NMNAT1: variants seen among roughly 807,000 people sequenced by gnomAD.
The protein encoded by NMNAT1 is nicotinamide nucleotide adenylyltransferase 1.
Under a neutral mutation model 16.7 loss-of-function variants are expected in NMNAT1, and 11 were observed. The observed-to-expected ratio is 0.66, with a 90% CI of 0.41 to 1.09. The LOEUF (loss-of-function observed/expected upper bound fraction) is 1.09. Ranked by LOEUF, NMNAT1 falls within the 50% of genes least tolerant of loss-of-function variation. The probability of loss-of-function intolerance (pLI) is 0.00; values close to 1 mark genes in which losing one functional copy is unlikely to be tolerated. For synonymous variants in NMNAT1, 110 were observed against 119.8 expected, an observed-to-expected ratio of 0.92 and a Z score of 0.53; for missense variants, 280 against 332.3, an observed-to-expected ratio of 0.84 and a Z score of 1.22.
In NMNAT1 at chr1:9,983,153, T is replaced by TTTTGTTTG. The variant is rs1421736122; in HGVS notation, c.*456_*463dup. 1 of 152,340 alleles carries TTTTGTTTG rather than the reference T, an allele frequency of 6.6e-6. No homozygotes were observed. Among genetic ancestry groups the TTTTGTTTG allele is most frequent in the African/African-American group, 2.4e-5 (1 of 41,256 alleles). The allele number at this position is 152,340 out of a possible 1,614,324, so 9.4% of individuals were successfully genotyped here. The stretch of plus-strand genomic sequence containing the variant: ...AAATCAATGGTAAGCTAAAATAAGT[T>TTTTGTTTG]TTTGTTTGTTTATTTGTTTTTGAGA... On this transcript the variant is annotated 3_prime_UTR_variant, in exon 5 of 5. Transcript: ENST00000377205.
chr1:9,990,102 C>G (rs1238484771), downstream of NMNAT1, among the ~76,000 whole-genome samples: 1 of 152,202 alleles, frequency 6.6e-6, no homozygotes. Context: ...ATGAAGGGGT[C>G]AGGGAAATAC....
At chr1:9,995,695 AAAAAT>A in the NMNAT1 span, among the ~76,000 whole-genome samples, 1 of 151,548 alleles carries the variant, frequency 6.6e-6, no homozygotes, top group Non-Finnish European at 1.5e-5. Flanking sequence ...GTCTGTCTCA[AAAAAT>A]AAAATAGAAT....
At chr1:9,982,258 G>T (rs376059383) in intron 4 of NMNAT1, 43 bp from the exon 5 acceptor site, 2 of 1,552,818 alleles carry the variant, frequency 1.3e-6, no homozygotes, top group Non-Finnish European at 1.7e-6. Flanking sequence ...GAGGTAGAGG[G>T]GAAGAAAAAG....
At chr1:9,995,311 A>G in the NMNAT1 span, among the ~76,000 whole-genome samples, 1 of 151,078 alleles carries the variant, frequency 6.6e-6, no homozygotes, top group East Asian at 2.0e-4. Context: ...AGGCAGGAAG[A>G]TCACTTGAAC....
chr1:9,970,582 G>A (rs573754350), intron 1 of NMNAT1, among the ~76,000 whole-genome samples: 29 of 152,016 alleles, frequency 1.9e-4, no homozygotes, highest in African/African-American at 5.8e-4. Context: ...CCAGCTACTC[G>A]GGAGGCTGAG....
At chr1:9,944,929 A>G (rs1430012046) in intron 1 of NMNAT1, among the ~76,000 whole-genome samples, 1 of 152,212 alleles carries the variant, frequency 6.6e-6, no homozygotes, top group African/African-American at 2.4e-5. Flanking sequence ...CTTCAGATTC[A>G]AAGAATTTCC....
At chr1:9,955,378 T>C (rs1369662463) in intron 1 of NMNAT1, among the ~76,000 whole-genome samples, 2 of 121,174 alleles carry the variant, frequency 1.7e-5, no homozygotes, top group Admixed American at 1.2e-4. Flanking sequence ...CACTCCAGCC[T>C]GGGGACAAGA....
intron 1 of NMNAT1, among the ~76,000 whole-genome samples, chr1:9,956,591 T>C (rs1272202242): frequency 6.6e-6 from 1 of 151,370 alleles, no homozygotes; most frequent in African/African-American, 2.4e-5. Flanking sequence ...CTGGCTAATA[T>C]TTTGCATTTT....
chr1:9,986,765 C>T (rs1231767237), downstream of NMNAT1, among the ~76,000 whole-genome samples: 2 of 151,882 alleles, frequency 1.3e-5, no homozygotes, highest in African/African-American at 4.8e-5. Flanking sequence ...GCCTGTAGTC[C>T]CAGCTACTCA....
In NMNAT1 at chr1:9,982,839, G is replaced by A. The variant is rs1157651387; in HGVS notation, c.*138G>A. 1.6e-5 allele frequency: 14 copies of A among 879,722 alleles called. No homozygotes were observed. The highest frequency in any genetic ancestry group is 2.2e-5 in the Non-Finnish European group (13 of 590,250). The allele number at this position is 879,722 out of a possible 1,614,324, so 54.5% of individuals were successfully genotyped here. ...TTAGTAAAAATCGTCTGGGCACAGT[G>A]GCTCACGCCTGTAATCCCAGCACTT... On this transcript the variant is annotated 3_prime_UTR_variant, in exon 5 of 5. Transcript: ENST00000377205.
In NMNAT1 at chr1:9,965,089, C is replaced by T. The variant is rs1570695293; in HGVS notation, c.-56-6929C>T. On this transcript the variant is annotated intron_variant, in intron 1 of 4. Coordinates refer to ENST00000377205, the MANE Select transcript of NMNAT1 (RefSeq NM_022787.4). ...ATTCCAGCACTTTGGGAGGCCGAGGCGGGTGGATCACCAGGTCAAGAGATC... is the reference window on the plus strand; with the variant it reads ...ATTCCAGCACTTTGGGAGGCCGAGGTGGGTGGATCACCAGGTCAAGAGATC... 3.3e-5 allele frequency among the ~76,000 whole-genome samples: 5 copies of T among 151,696 alleles called. No individual in the cohort carries two copies. The South Asian group carries it at 8.3e-4, about 25-fold the overall frequency.
At chr1:9,990,344 G>C (rs1365793159), downstream of NMNAT1, among the ~76,000 whole-genome samples, 1 of 152,124 alleles carries the variant, frequency 6.6e-6, no homozygotes, top group African/African-American at 2.4e-5. Context: ...AGTTATAGGA[G>C]GGTCACCAGT....
intron 2 of NMNAT1, chr1:9,972,393 G>T: frequency 2.6e-6 from 1 of 382,072 alleles, no homozygotes. Context: ...CTACTCGGGA[G>T]GCTGAGGCAG....
intron 1 of NMNAT1, among the ~76,000 whole-genome samples, chr1:9,969,304 A>T (rs1469294362): frequency 6.6e-6 from 1 of 152,168 alleles, no homozygotes; most frequent in Admixed American, 6.6e-5. Context: ...AAATGAGTAG[A>T]ATACCATAAA....
intron 3 of NMNAT1, among the ~76,000 whole-genome samples, chr1:9,977,775 C>T (rs1641847740): frequency 6.6e-6 from 1 of 151,850 alleles, no homozygotes; most frequent in African/African-American, 2.4e-5. Flanking sequence ...GGAGAATTGC[C>T]TGAGCCTGGG....
At chr1:9,967,471 G>T (rs1641574890) in intron 1 of NMNAT1, 1 of 152,582 alleles carries the variant, frequency 6.6e-6, no homozygotes, top group African/African-American at 2.4e-5. Context: ...AGAAAGATTA[G>T]AAAGCAAAGC....
rs75844189 is a variant in NMNAT1 at position 9,975,892 on chromosome 1, G to A, written c.299+117G>A. On this transcript the variant is annotated intron_variant, in intron 3 of 4. Coordinates refer to ENST00000377205, the MANE Select transcript of NMNAT1 (RefSeq NM_022787.4). ...ACATACAGATTTGCAAAACTGTCAC[G>A]TGTGTTGTAAGCCATTCCTGTGGAA... The A allele has an allele frequency of 3.1e-5, 25 of 815,796 alleles. No individual in the cohort carries two copies. The East Asian group carries it at 4.9e-4, about 16-fold the overall frequency. The allele number at this position is 815,796 out of a possible 1,614,324, so 50.5% of individuals were successfully genotyped here.
intron 1 of NMNAT1, among the ~76,000 whole-genome samples, chr1:9,957,526 C>T (rs1270678188): frequency 1.4e-5 from 2 of 144,138 alleles, no homozygotes; most frequent in Non-Finnish European, 3.0e-5. Flanking sequence ...AACTATTGAC[C>T]TCGTGATCCA....
the NMNAT1 span, among the ~76,000 whole-genome samples, chr1:9,994,877 G>T: frequency 6.6e-6 from 1 of 152,114 alleles, no homozygotes; most frequent in Non-Finnish European, 1.5e-5. Context: ...CTCCCAAAGT[G>T]CTGGGATTAC....
Sources: gnomAD v4.1 joint callset for allele counts (sites outside exome capture counted in the v4.1 genomes callset) on GRCh38, gnomAD v4.1.1 for gene constraint, MANE v1.5 for transcripts, NCBI Gene and HGNC (gene_info 2026-07-23, HGNC 2026-07-21) for gene names.